AEBP2: variants seen among roughly 807,000 people sequenced by gnomAD.
The protein encoded by AEBP2 is AE binding protein 2.
AEBP2 carries 10 observed loss-of-function variants against 50.8 expected under a neutral mutation model. The ratio of observed to expected loss-of-function variants is 0.20; its 90% confidence interval spans 0.12 to 0.33. AEBP2 has a LOEUF of 0.33. Ranked by LOEUF, AEBP2 falls within the 10% of genes least tolerant of loss-of-function variation. The probability of loss-of-function intolerance (pLI) is 1.00; values close to 1 mark genes in which losing one functional copy is unlikely to be tolerated. For missense variants in AEBP2, 570 were observed against 688.0 expected (o/e 0.83, Z 1.92); for synonymous variants, 296 against 261.3 (o/e 1.13, Z -1.28).
intron 4 of AEBP2, among the ~76,000 whole-genome samples, chr12:19,495,470 AT>A (rs1357739591): frequency 6.6e-6 from 1 of 151,516 alleles, no homozygotes; most frequent in African/African-American, 2.4e-5. Context: ...AAAACTTTAT[AT>A]TTCGTTTTTA....
chr12:19,440,585 C>T, intron 1 of AEBP2: 3 of 1,452,810 alleles, frequency 2.1e-6, no homozygotes, highest in South Asian at 1.3e-5. Flanking sequence ...CCCCCCAACT[C>T]TCCTTTCCCC....
chr12:19,440,222 A>T lies in AEBP2; in HGVS notation c.523A>T (p.Ser175Cys). The change falls in exon 1 of 8, where the codon AGC becomes TGC. Residue 175 changes from serine to cysteine, a missense_variant. Physicochemically the swap from Ser to Cys is moderately radical, Grantham distance 112 (BLOSUM62 -1). Transcript: ENST00000266508. ...RGSQGGGGGG[S>C]SSSSVVSSGG... ...CAGCCAGGGCGGCGGCGGGGGCGGC[A>T]GCAGTAGCAGCAGCGTAGTCTCCAG... 4 of 1,467,894 alleles carry T rather than the reference A, an allele frequency of 2.7e-6. No individual in the cohort carries two copies. The highest frequency in any genetic ancestry group is 3.6e-6 in the Non-Finnish European group (4 of 1,122,904). The allele number at this position is 1,467,894 out of a possible 1,614,324, so 90.9% of individuals were successfully genotyped here.
chr12:19,421,163 G>A (rs1370395209), intron 1 of AEBP2, among the ~76,000 whole-genome samples: 4 of 151,742 alleles, frequency 2.6e-5, no homozygotes, highest in Admixed American at 2.6e-4. Context: ...TGGCCACATA[G>A]TGAAACCCTG....
intron 1 of AEBP2, among the ~76,000 whole-genome samples, chr12:19,445,490 G>T (rs1422766171): frequency 2.0e-5 from 3 of 151,510 alleles, no homozygotes; most frequent in Non-Finnish European, 4.4e-5. Flanking sequence ...CCGGGATTAT[G>T]GGCATGAGCC....
chr12:19,414,691 T>C (rs1354168899), intron 1 of AEBP2, among the ~76,000 whole-genome samples: 2 of 151,926 alleles, frequency 1.3e-5, no homozygotes, highest in Non-Finnish European at 2.9e-5. Flanking sequence ...TGTAGGAAAG[T>C]GGTTTGAGAT....
chr12:19,498,287 C>A (rs939853986), intron 4 of AEBP2, among the ~76,000 whole-genome samples: 2 of 152,174 alleles, frequency 1.3e-5, no homozygotes, highest in African/African-American at 4.8e-5. Flanking sequence ...TCTCAGAACT[C>A]TCCCTTGCTC....
intron 1 of AEBP2, among the ~76,000 whole-genome samples, chr12:19,407,302 TTTTTC>T (rs772144788): frequency 7.2e-5 from 11 of 151,854 alleles, no homozygotes; most frequent in Non-Finnish European, 1.6e-4. Context: ...CCCCATCTCT[TTTTTC>T]TTTTTTCTTT....
Position 19,503,345 on chromosome 12 carries a change from GTA to G in AEBP2, c.1299+3126_1299+3127del, listed in dbSNP as rs888342308. Among the ~76,000 whole-genome samples, 4 of 150,062 alleles carry G rather than the reference GTA, an allele frequency of 2.7e-5. No individual in the cohort carries two copies. The South Asian group carries it at 6.3e-4, about 24-fold the overall frequency. ...TATTCCTTGGTGTGTGTGTGTGTGT[GTA>G]TGTGTGTGTGTGTGTTATGGTGAAT... On this transcript the variant is annotated intron_variant, in intron 5 of 7. Coordinates refer to ENST00000266508, the MANE Select transcript of AEBP2 (RefSeq NM_153207.5).
rs1226850839 is a variant in AEBP2 at position 19,519,256 on chromosome 12, G to A, written c.*1139G>A. 1.3e-5 allele frequency: 2 copies of A among 152,520 alleles called. No homozygotes were observed. The highest frequency in any genetic ancestry group is 4.8e-5 in the African/African-American group (2 of 41,426). 9.4% of individuals were successfully genotyped at this position (152,520 alleles called of 1,614,324 possible). ...TTTTTATATTTTGAAATGTACTGTA[G>A]ATGTTTTCTAGAGGCATGAAAGTTA... On this transcript the variant is annotated 3_prime_UTR_variant, in exon 8 of 8. Coordinates refer to ENST00000266508, the MANE Select transcript of AEBP2 (RefSeq NM_153207.5).
intron 2 of AEBP2, among the ~76,000 whole-genome samples, chr12:19,464,880 G>A (rs771320311): frequency 3.0e-4 from 45 of 151,956 alleles, no homozygotes; most frequent in Admixed American, 7.2e-4. Context: ...GTGAGCCATC[G>A]CACCCGGCCA....
At chr12:19,490,176 T>C (rs1426841783) in intron 3 of AEBP2, among the ~76,000 whole-genome samples, 2 of 151,910 alleles carry the variant, frequency 1.3e-5, no homozygotes, top group African/African-American at 4.8e-5. Context: ...CTCTGAGTTC[T>C]AGATGCTACT....
chr12:19,473,389 ATTTATTT>A, intron 3 of AEBP2, 34 bp downstream of exon 3: 5 of 553,732 alleles, frequency 9.0e-6, no homozygotes, highest in East Asian at 6.7e-5. Flanking sequence ...TTATTTATTT[ATTTATTT>A]ATTTATTTAT....
At chr12:19,434,008 G>T (rs1156951455) in intron 1 of AEBP2, among the ~76,000 whole-genome samples, 1 of 151,536 alleles carries the variant, frequency 6.6e-6, no homozygotes, top group African/African-American at 2.4e-5. Context: ...CACCATGCCC[G>T]ACTAATTTTT....
At chr12:19,413,405 C>T in intron 1 of AEBP2, 1 of 1,048,506 alleles carries the variant, frequency 9.5e-7, no homozygotes, top group Non-Finnish European at 1.5e-6. Flanking sequence ...AAGACAACAA[C>T]AGTGAAATTC....
intron 1 of AEBP2, chr12:19,440,639 C>T (rs1565703163): frequency 6.6e-7 from 1 of 1,523,428 alleles, no homozygotes; most frequent in East Asian, 2.5e-5. Context: ...GACCTCAGGA[C>T]GGCTCTAACT....
At chr12:19,504,751 C>T (rs1243185022) in intron 5 of AEBP2, among the ~76,000 whole-genome samples, 2 of 151,912 alleles carry the variant, frequency 1.3e-5, no homozygotes, top group Non-Finnish European at 2.9e-5. Context: ...GCAAATATAC[C>T]AATTAAATGG....
At chr12:19,417,807 C>T (rs545073683) in intron 1 of AEBP2, among the ~76,000 whole-genome samples, 7 of 151,674 alleles carry the variant, frequency 4.6e-5, no homozygotes, top group African/African-American at 1.2e-4. Flanking sequence ...TGGGTTCAAA[C>T]GATTCTCCTG....
intron 1 of AEBP2, among the ~76,000 whole-genome samples, chr12:19,412,679 C>T (rs1024657580): frequency 2.6e-5 from 4 of 152,130 alleles, no homozygotes; most frequent in African/African-American, 9.7e-5. Flanking sequence ...AACAATCCTC[C>T]TGCCTCGGCC....
chr12:19,450,559 G>C (rs962615881), intron 1 of AEBP2, among the ~76,000 whole-genome samples: 1 of 142,842 alleles, frequency 7.0e-6, no homozygotes, highest in Non-Finnish European at 1.5e-5. Flanking sequence ...GCCTGGCACG[G>C]TGACTCATGC....
Sources: allele counts gnomAD v4.1 joint callset (sites outside exome capture counted in the v4.1 genomes callset), GRCh38; gene constraint gnomAD v4.1.1; transcripts MANE v1.5; gene names NCBI Gene and HGNC (gene_info 2026-07-23, HGNC 2026-07-21).